The following ALK variants were observed in gnomAD, a reference collection of about 807,000 sequenced individuals.
The protein encoded by ALK is ALK tyrosine kinase receptor.
Under a neutral mutation model 163.1 loss-of-function variants are expected in ALK, and 74 were observed. The observed-to-expected ratio is 0.45, with a 90% CI of 0.38 to 0.55. The LOEUF is 0.55. ALK is among the 20% of genes least tolerant of loss of function. ALK has a pLI of 0.00. For missense variants in ALK, 2,063 were observed against 2,105.3 expected, an observed-to-expected ratio of 0.98 and a Z score of 0.39; for synonymous variants, 960 against 843.2, an observed-to-expected ratio of 1.14 and a Z score of -2.40.
chr2:29,905,678 T>G (rs1667526898), intron 1 of ALK, among the ~76,000 whole-genome samples: 1 of 151,976 alleles, frequency 6.6e-6, no homozygotes, highest in Non-Finnish European at 1.5e-5. Flanking sequence ...GAATCCCTTT[T>G]CCTACCTAGC....
rs531250704 is a variant in ALK at position 29,769,673 on chromosome 2, T to G, written c.668-51976A>C. Among the ~76,000 whole-genome samples the G allele has an allele frequency of 1.3e-5, 2 of 152,152 alleles. 1 individual carries two copies. Among genetic ancestry groups the G allele is most frequent in the Non-Finnish European group, 2.9e-5 (2 of 68,040 alleles). ...CGCTTCCTTCAGAGGTGTTCCCTCTTTAGAGGAGTGATCAGACAGATTTAC... is the reference window on the plus strand; with the variant it reads ...CGCTTCCTTCAGAGGTGTTCCCTCTGTAGAGGAGTGATCAGACAGATTTAC... On this transcript the variant is annotated intron_variant, in intron 1 of 28. Transcript: ENST00000389048.
chr2:29,666,929 G>A (rs1232982776), intron 3 of ALK, among the ~76,000 whole-genome samples: 2 of 152,062 alleles, frequency 1.3e-5, no homozygotes, highest in East Asian at 1.9e-4. Flanking sequence ...ATAGAAATGA[G>A]AACATGCAAT....
At chr2:29,580,037 A>G (rs1674634829) in intron 3 of ALK, among the ~76,000 whole-genome samples, 1 of 152,152 alleles carries the variant, frequency 6.6e-6, no homozygotes, top group Admixed American at 6.5e-5. Flanking sequence ...CCAAACAGCC[A>G]CAGAATTTAT....
chr2:29,249,191 T>G (rs1351983257), intron 12 of ALK, among the ~76,000 whole-genome samples: 1 of 152,216 alleles, frequency 6.6e-6, no homozygotes, highest in Non-Finnish European at 1.5e-5. Flanking sequence ...AGGGATCTCC[T>G]GAGAGTTTGT....
At chr2:29,879,800 C>A (rs935899761) in intron 1 of ALK, among the ~76,000 whole-genome samples, 2 of 152,336 alleles carry the variant, frequency 1.3e-5, no homozygotes, top group Admixed American at 6.5e-5. Flanking sequence ...GGAAAAACTT[C>A]TCTTCCCTTT....
intron 4 of ALK, among the ~76,000 whole-genome samples, chr2:29,432,979 AATAG>A (rs1670309375): frequency 2.0e-5 from 3 of 152,054 alleles, no homozygotes; most frequent in African/African-American, 4.8e-5. Flanking sequence ...ATGAGCAGGA[AATAG>A]ATAGTCAATA....
At chr2:29,720,938 A>G (rs1679403869) in intron 1 of ALK, among the ~76,000 whole-genome samples, 1 of 152,160 alleles carries the variant, frequency 6.6e-6, no homozygotes. Context: ...ATGCAGACCA[A>G]CTGGCTCAAG....
chr2:29,263,086 G>A (rs562406146), intron 11 of ALK, among the ~76,000 whole-genome samples: 5 of 152,324 alleles, frequency 3.3e-5, no homozygotes, highest in South Asian at 4.1e-4. Flanking sequence ...TGCAGGTTAC[G>A]CATAATGGAT....
At chr2:29,563,685 G>A (rs1311348751) in intron 3 of ALK, among the ~76,000 whole-genome samples, 3 of 152,148 alleles carry the variant, frequency 2.0e-5, no homozygotes, top group South Asian at 2.1e-4. Flanking sequence ...CACCATCTGC[G>A]ATGATATCTT....
At chr2:29,789,788 A>C (rs1348143791) in intron 1 of ALK, among the ~76,000 whole-genome samples, 1 of 152,168 alleles carries the variant, frequency 6.6e-6, no homozygotes, top group African/African-American at 2.4e-5. Flanking sequence ...GACTGCGATT[A>C]CATTGATCTG....
chr2:29,561,856 T>G (rs1674033251), intron 3 of ALK, among the ~76,000 whole-genome samples: 4 of 152,256 alleles, frequency 2.6e-5, no homozygotes, highest in Admixed American at 2.0e-4. Context: ...GGTTAAAGCA[T>G]GTGGATGCCT....
intron 3 of ALK, among the ~76,000 whole-genome samples, chr2:29,625,355 A>T (rs1474642507): frequency 1.3e-5 from 2 of 152,232 alleles, no homozygotes; most frequent in Non-Finnish European, 1.5e-5. Flanking sequence ...ACACATGCAT[A>T]GTATTTATGT....
At chr2:29,422,124 G>A (rs959734743) in intron 4 of ALK, among the ~76,000 whole-genome samples, 1 of 151,402 alleles carries the variant, frequency 6.6e-6, no homozygotes, top group African/African-American at 2.5e-5. Context: ...AAGCCAGGTA[G>A]TCTTTTTGGA....
Position 29,193,827 on chromosome 2 carries a change from C to G in ALK, c.4260G>C (p.Gly1420=), listed in dbSNP as rs2148138882. 1 of 1,607,674 alleles carries G rather than the reference C, an allele frequency of 6.2e-7. No individual in the cohort carries two copies. Among genetic ancestry groups the G allele is most frequent in the Non-Finnish European group, 8.5e-7 (1 of 1,177,328 alleles). ...KVPVRPKDPE[G]VPPLLVSQQA... ...GTTGAGAGACCAGGAGAGGAGGAACCCCCTCAGGGTCCTTGGGCCTCACAG... is the reference window on the plus strand; with the variant it reads ...GTTGAGAGACCAGGAGAGGAGGAACGCCCTCAGGGTCCTTGGGCCTCACAG... Residue 1420 remains glycine (G), a synonymous_variant, in exon 29 of 29, where the codon GGG becomes GGC. Coordinates refer to ENST00000389048, the MANE Select transcript of ALK (RefSeq NM_004304.5).
At chr2:29,544,546 G>A (rs1673502917) in intron 3 of ALK, among the ~76,000 whole-genome samples, 1 of 152,064 alleles carries the variant, frequency 6.6e-6, no homozygotes, top group Admixed American at 6.6e-5. Context: ...AAGACCGTTT[G>A]CAGAAAATAG....
chr2:29,305,471 G>A (rs1666485779), intron 8 of ALK, among the ~76,000 whole-genome samples: 1 of 152,192 alleles, frequency 6.6e-6, no homozygotes, highest in Non-Finnish European at 1.5e-5. Flanking sequence ...GATCACATGT[G>A]TCTAACATTA....
chr2:29,880,563 C>T (rs1666830925), intron 1 of ALK, among the ~76,000 whole-genome samples: 1 of 152,198 alleles, frequency 6.6e-6, no homozygotes, highest in East Asian at 1.9e-4. Context: ...TATAAGTCCC[C>T]AGGGATCTAT....
intron 3 of ALK, among the ~76,000 whole-genome samples, chr2:29,590,005 T>C (rs1341493429): frequency 6.6e-6 from 1 of 152,180 alleles, no homozygotes; most frequent in Admixed American, 6.5e-5. Context: ...TAAGAAACTA[T>C]TGAGCATATT....
intron 5 of ALK, among the ~76,000 whole-genome samples, chr2:29,347,452 G>A (rs1161845035): frequency 6.6e-6 from 1 of 152,170 alleles, no homozygotes; most frequent in African/African-American, 2.4e-5. Context: ...GGGTGTGAAT[G>A]GTCAGGAAGT....
Sources: allele counts gnomAD v4.1 joint callset (sites outside exome capture counted in the v4.1 genomes callset), GRCh38; gene constraint gnomAD v4.1.1; transcripts MANE v1.5; gene names NCBI Gene and HGNC (gene_info 2026-07-23, HGNC 2026-07-21).